CHODL: variants seen among roughly 807,000 people sequenced by gnomAD.
CHODL encodes the protein chondrolectin.
CHODL carries 29 observed loss-of-function variants against 34.5 expected under a neutral mutation model. The observed-to-expected ratio is 0.84, with a 90% CI of 0.63 to 1.15. CHODL has a LOEUF of 1.15. Among genes scored for constraint, CHODL ranks in the 50% most tolerant of loss-of-function variants. The pLI is 0.00. For missense variants in CHODL, 332 were observed against 332.5 expected (o/e 1.00, Z 0.01); for synonymous variants, 125 against 116.1 (o/e 1.08, Z -0.49).
At chr21:17,970,400 A>G (rs976218788) in intron 1 of CHODL, among the ~76,000 whole-genome samples, 2 of 152,160 alleles carry the variant, frequency 1.3e-5, no homozygotes, top group Non-Finnish European at 1.5e-5. Context: ...CCAAACCTCA[A>G]CACTTACTGT....
intron 1 of CHODL, among the ~76,000 whole-genome samples, chr21:17,933,602 A>C (rs902558378): frequency 4.6e-5 from 7 of 152,224 alleles, no homozygotes; most frequent in African/African-American, 1.7e-4. Context: ...AATTTTTCTT[A>C]GTACAGAACA....
At chr21:18,129,089 T>A (rs2072619123) in intron 2 of CHODL, among the ~76,000 whole-genome samples, 1 of 143,706 alleles carries the variant, frequency 7.0e-6, no homozygotes, top group East Asian at 2.6e-4. Context: ...TTTTATTGGA[T>A]TTTTTTGTCA....
intron 1 of CHODL, among the ~76,000 whole-genome samples, chr21:17,923,678 G>A (rs1445249093): frequency 6.6e-6 from 1 of 152,016 alleles, no homozygotes; most frequent in African/African-American, 2.4e-5. Context: ...GGTCAGGCTG[G>A]TCTCAAACTC....
chr21:18,265,929 A>C, intron 5 of CHODL, 25 bp from the exon 6 acceptor site: 1 of 1,597,784 alleles, frequency 6.3e-7, no homozygotes, highest in South Asian at 1.1e-5. Flanking sequence ...TTTAGGCACT[A>C]AACATTTTTT....
chr21:18,257,192 T>G, intron 3 of CHODL, 65 bp downstream of exon 3: 1 of 1,444,118 alleles, frequency 6.9e-7, no homozygotes, highest in South Asian at 1.4e-5. Context: ...AGTTTTGTCT[T>G]TAATTTTGAC....
At position 18,214,917 on chromosome 21, in the gene CHODL, A is replaced by G. The variant is rs371592961; in HGVS notation, c.-44-41592A>G. Among the ~76,000 whole-genome samples, 41 of 152,298 alleles carry G rather than the reference A, an allele frequency of 2.7e-4. No individual in the cohort carries two copies. The East Asian group carries it at 3.5e-3, about 13-fold the overall frequency. Reference sequence around the variant, plus strand: ...ATAATAAGAGTGTAAAATTAACAACATACATACATACAGTTAGAGGAAAAC... The same window carrying G: ...ATAATAAGAGTGTAAAATTAACAACGTACATACATACAGTTAGAGGAAAAC... On this transcript the variant is annotated intron_variant, in intron 2 of 6. Coordinates refer to the CHODL transcript ENST00000400127.
chr21:18,052,784 T>C (rs157736), intron 2 of CHODL, among the ~76,000 whole-genome samples: 25,039 of 151,892 alleles, frequency 0.16, 5,120 homozygotes, highest in African/African-American at 0.48. Flanking sequence ...GACCAATATT[T>C]GGAAAGACAC....
intron 2 of CHODL, among the ~76,000 whole-genome samples, chr21:18,055,740 A>G (rs17002300): frequency 0.039 from 5,963 of 152,106 alleles, 351 homozygotes; most frequent in African/African-American, 0.13. Context: ...GGGCTAAGTC[A>G]ATACCAAGGT....
chr21:18,252,348 C>A (rs1228428676), intron 1 of CHODL, among the ~76,000 whole-genome samples: 1 of 152,150 alleles, frequency 6.6e-6, no homozygotes, highest in Non-Finnish European at 1.5e-5. Flanking sequence ...CGTTATCTCA[C>A]AGAATGAGAC....
chr21:18,073,290 T>G (rs2064827647), intron 2 of CHODL, among the ~76,000 whole-genome samples: 1 of 152,108 alleles, frequency 6.6e-6, no homozygotes, highest in African/African-American at 2.4e-5. Flanking sequence ...AGGCAACAAG[T>G]TTTAAAAATG....
chr21:18,005,094 T>TA (rs1328416214), intron 1 of CHODL, among the ~76,000 whole-genome samples: 9 of 152,178 alleles, frequency 5.9e-5, no homozygotes, highest in Non-Finnish European at 7.4e-5. Flanking sequence ...CGCCATTTGT[T>TA]AAAAAAAGAT....
intron 1 of CHODL, among the ~76,000 whole-genome samples, chr21:18,246,645 A>G (rs2074145540): frequency 6.6e-6 from 1 of 152,182 alleles, no homozygotes; most frequent in Non-Finnish European, 1.5e-5. Context: ...CTTTGTATTT[A>G]TCAGAATTAT....
chr21:18,215,638 G>T (rs1232430294), intron 2 of CHODL, among the ~76,000 whole-genome samples: 2 of 152,108 alleles, frequency 1.3e-5, no homozygotes, highest in Non-Finnish European at 2.9e-5. Flanking sequence ...AGCATATTTA[G>T]CTTGTCCTTA....
intron 2 of CHODL, among the ~76,000 whole-genome samples, chr21:18,098,287 G>C (rs2065164865): frequency 6.6e-6 from 1 of 151,800 alleles, no homozygotes; most frequent in South Asian, 2.1e-4. Context: ...CACAGAATGG[G>C]AGAAATATTT....
At chr21:17,941,733 A>G (rs551269402) in intron 1 of CHODL, among the ~76,000 whole-genome samples, 2 of 152,326 alleles carry the variant, frequency 1.3e-5, no homozygotes, top group Admixed American at 6.5e-5. Context: ...TCAGGCTACT[A>G]TAACAAAATA....
intron 2 of CHODL, among the ~76,000 whole-genome samples, chr21:18,223,077 T>C (rs941048859): frequency 2.0e-5 from 3 of 152,130 alleles, no homozygotes; most frequent in Non-Finnish European, 4.4e-5. Flanking sequence ...TCAGAAAATA[T>C]TAAAAAGTAA....
At chr21:17,980,002 A>G (rs1049429930) in intron 1 of CHODL, among the ~76,000 whole-genome samples, 1 of 152,160 alleles carries the variant, frequency 6.6e-6, no homozygotes, top group African/African-American at 2.4e-5. Flanking sequence ...TTCAATAGAA[A>G]AATGTTGACA....
chr21:17,945,231 A>G (rs34744569), intron 1 of CHODL, among the ~76,000 whole-genome samples: 36,284 of 150,268 alleles, frequency 0.24, 5,051 homozygotes, highest in South Asian at 0.41. Context: ...AAAAATTACT[A>G]AAGCTCCAAT....
chr21:18,011,259 A>G (rs1017782696), intron 1 of CHODL, among the ~76,000 whole-genome samples: 2 of 148,942 alleles, frequency 1.3e-5, no homozygotes, highest in African/African-American at 5.1e-5. Context: ...TAGCTGAGAA[A>G]AAAGTCGAAC....
Sources: gnomAD v4.1 joint callset for allele counts (sites outside exome capture counted in the v4.1 genomes callset) on GRCh38, gnomAD v4.1.1 for gene constraint, MANE v1.5 for transcripts, NCBI Gene and HGNC (gene_info 2026-07-23, HGNC 2026-07-21) for gene names.